RYR2: variants seen among roughly 807,000 people sequenced by gnomAD.
RYR2 encodes the protein ryanodine receptor 2.
In RYR2, 227 loss-of-function variants were observed where a neutral mutation model predicts 601.1. That is an observed-to-expected ratio of 0.38 (90% CI 0.34 to 0.42). The LOEUF (loss-of-function observed/expected upper bound fraction) is 0.42, where lower values mean the gene tolerates loss of function less well. Ranked by LOEUF, RYR2 falls within the 10% of genes least tolerant of loss-of-function variation. RYR2 has a pLI of 1.00. For synonymous variants in RYR2, 2,223 were observed against 2,175.1 expected (o/e 1.02, Z -0.61); for missense variants, 4,646 against 6,156.5 (o/e 0.75, Z 8.21).
At chr1:237,396,123 G>T (rs1702834187) in intron 10 of RYR2, among the ~76,000 whole-genome samples, 1 of 152,194 alleles carries the variant, frequency 6.6e-6, no homozygotes, top group African/African-American at 2.4e-5. Context: ...ACCCTTGGTT[G>T]TGAGGTCCCC....
At chr1:237,159,641 G>T (rs1434167264) in intron 1 of RYR2, among the ~76,000 whole-genome samples, 3 of 152,090 alleles carry the variant, frequency 2.0e-5, no homozygotes, top group African/African-American at 7.2e-5. Flanking sequence ...GACCAACCTG[G>T]ACAACAAAGT....
At chr1:237,411,472 C>T (rs1704445617) in intron 10 of RYR2, among the ~76,000 whole-genome samples, 1 of 152,004 alleles carries the variant, frequency 6.6e-6, no homozygotes, top group African/African-American at 2.4e-5. Flanking sequence ...TAGCAACAAT[C>T]CATTCAATTC....
In RYR2 at chr1:237,469,258, CA is replaced by C. The variant is rs66912945; in HGVS notation, c.1708+92del. The C allele has an allele frequency of 0.12, 13,920 of 111,718 alleles. 778 individuals carry two copies. Among genetic ancestry groups the C allele is most frequent in the African/African-American group, 0.33 (7,055 of 21,516 alleles). 6.9% of individuals were successfully genotyped at this position (111,718 alleles called of 1,614,324 possible). A position where few individuals can be genotyped will look rare whatever the true frequency, so the allele number is the denominator to read the frequency against. Reference sequence around the variant, plus strand: ...TTTCTTTGCTTCGTATCCTTTAAGACAAAAAAAAAAAAAAAAAAAAACAACT... The same window carrying C: ...TTTCTTTGCTTCGTATCCTTTAAGACAAAAAAAAAAAAAAAAAAAACAACT... On this transcript the variant is annotated intron_variant, in intron 17 of 104. Coordinates refer to ENST00000366574, the MANE Select transcript of RYR2 (RefSeq NM_001035.3).
At chr1:237,655,433 G>GT (rs1266804516) in intron 52 of RYR2, among the ~76,000 whole-genome samples, 2 of 151,908 alleles carry the variant, frequency 1.3e-5, no homozygotes, top group Non-Finnish European at 2.9e-5. Flanking sequence ...TATGCTTTAT[G>GT]TTTTTTTATA....
At chr1:237,515,151 T>C (rs921111672) in intron 24 of RYR2, among the ~76,000 whole-genome samples, 1 of 152,198 alleles carries the variant, frequency 6.6e-6, no homozygotes, top group African/African-American at 2.4e-5. Context: ...TGTGACACTC[T>C]CAGAACAGCA....
At chr1:237,746,787 C>T (rs572978938) in intron 80 of RYR2, among the ~76,000 whole-genome samples, 7 of 152,096 alleles carry the variant, frequency 4.6e-5, no homozygotes, top group Admixed American at 3.9e-4. Flanking sequence ...AAATGTTTTA[C>T]CAGTTACCTG....
chr1:237,048,839 G>T (rs1324432854), intron 1 of RYR2, among the ~76,000 whole-genome samples: 1 of 152,142 alleles, frequency 6.6e-6, no homozygotes. Flanking sequence ...GTGGCAAGGA[G>T]AAGATCGGGA....
At chr1:237,534,284 T>C (rs1668400237) in intron 25 of RYR2, among the ~76,000 whole-genome samples, 1 of 152,036 alleles carries the variant, frequency 6.6e-6, no homozygotes, top group Non-Finnish European at 1.5e-5. Context: ...TAACTACTCA[T>C]GTATACACCA....
chr1:237,778,543 T>G, intron 87 of RYR2, 123 bp from the exon 88 acceptor site: 1 of 472,030 alleles, frequency 2.1e-6, no homozygotes, highest in African/African-American at 1.9e-5. Flanking sequence ...TTCCTATCTT[T>G]TCAGATAACG....
rs529265272 is a variant in RYR2 at position 237,310,389 on chromosome 1, C to T, written c.169-20489C>T. Among the ~76,000 whole-genome samples, 105 of 152,282 alleles carry T rather than the reference C, an allele frequency of 6.9e-4. No individual in the cohort carries two copies. In the Middle Eastern group the frequency reaches 0.01, roughly 15 times the overall value. ...ACAAGCTGAGTCATGCAAGAAGCTG[C>T]CTTTCCTTTTGTACCTAAGCAGATA... is the stretch of plus-strand genomic sequence containing the variant. On this transcript the variant is annotated intron_variant, in intron 2 of 104. Coordinates refer to ENST00000366574, the MANE Select transcript of RYR2 (RefSeq NM_001035.3).
intron 1 of RYR2, among the ~76,000 whole-genome samples, chr1:237,100,119 C>G (rs1667922016): frequency 6.6e-6 from 1 of 152,038 alleles, no homozygotes; most frequent in Non-Finnish European, 1.5e-5. Context: ...TCTATTGGGA[C>G]AAGCTTGGAG....
At chr1:237,312,045 A>G (rs1462016785) in intron 2 of RYR2, among the ~76,000 whole-genome samples, 2 of 152,212 alleles carry the variant, frequency 1.3e-5, no homozygotes, top group African/African-American at 4.8e-5. Flanking sequence ...ATTCTGTTTC[A>G]AGAATGAAAA....
At chr1:237,522,109 A>G (rs935428868) in intron 24 of RYR2, among the ~76,000 whole-genome samples, 1 of 152,016 alleles carries the variant, frequency 6.6e-6, no homozygotes, top group East Asian at 1.9e-4. Context: ...TCCTAATGCT[A>G]TCCCTCCCCG....
chr1:237,614,618 C>A lies in RYR2; in HGVS notation c.5490C>A (p.Ile1830=). ...PLIKLFYTLL[I]MGIFHNEDLK... is the part of the protein sequence containing the mutation. ...TCAAGCTTTTCTATACCCTGCTGATCATGGGCATCTTTCACAACGAGGACT... is the reference window on the plus strand; with the variant it reads ...TCAAGCTTTTCTATACCCTGCTGATAATGGGCATCTTTCACAACGAGGACT... The change falls in exon 37 of 105, where the codon ATC becomes ATA. Residue 1830 remains isoleucine (I), a synonymous_variant. Coordinates refer to ENST00000366574, the MANE Select transcript of RYR2 (RefSeq NM_001035.3). The surrounding 1 kb of genome is among the most constrained non-coding windows in gnomAD (Gnocchi z 4.3). The A allele has an allele frequency of 6.2e-7, 1 of 1,614,020 alleles. No individual in the cohort carries two copies. The highest frequency in any genetic ancestry group is 8.5e-7 in the Non-Finnish European group (1 of 1,179,892).
chr1:237,071,420 C>T (rs990226161), intron 1 of RYR2, among the ~76,000 whole-genome samples: 5 of 152,054 alleles, frequency 3.3e-5, no homozygotes, highest in Non-Finnish European at 4.4e-5. Context: ...GACAAGGTTT[C>T]ACTATGTTGG....
At chr1:237,787,637 A>T (rs1657793418) in intron 91 of RYR2, among the ~76,000 whole-genome samples, 1 of 151,704 alleles carries the variant, frequency 6.6e-6, no homozygotes, top group South Asian at 2.1e-4. Context: ...ATTATAATTT[A>T]AAAATAGGGT....
chr1:237,500,775 T>A lies in RYR2; in HGVS notation c.2268T>A (p.Ser756Arg). Residue 756 changes from serine to arginine, a missense_variant, in exon 21 of 105, where the codon AGT becomes AGA. Physicochemically the swap from Ser to Arg is moderately radical, Grantham distance 110. Transcript: ENST00000366574. ...TGTTAAGAACTGATGATGTCATCAG[T>A]TGCTGTTTAGATCTGAGTGCCCCAA... ...QHLLRTDDVI[S>R]CCLDLSAPSI... 1 of 1,614,006 alleles carries A rather than the reference T, an allele frequency of 6.2e-7. No homozygotes were observed. Among genetic ancestry groups the A allele is most frequent in the Non-Finnish European group, 8.5e-7 (1 of 1,179,878 alleles).
At chr1:237,688,425 TAC>T (rs984354679) in intron 63 of RYR2, among the ~76,000 whole-genome samples, 7 of 151,304 alleles carry the variant, frequency 4.6e-5, no homozygotes, top group Non-Finnish European at 7.4e-5. Flanking sequence ...TATATATATA[TAC>T]ACACACACAC....
chr1:237,543,593 C>T (rs1669519217), intron 25 of RYR2, among the ~76,000 whole-genome samples: 1 of 152,138 alleles, frequency 6.6e-6, no homozygotes, highest in Admixed American at 6.5e-5. Context: ...GCTAACACTC[C>T]CTGAACTTGG....
Sources: allele counts gnomAD v4.1 joint callset (sites outside exome capture counted in the v4.1 genomes callset), GRCh38; gene constraint gnomAD v4.1.1; non-coding constraint Gnocchi (gnomAD v3.1); transcripts MANE v1.5; gene names NCBI Gene and HGNC (gene_info 2026-07-23, HGNC 2026-07-21).